The following LY86 variants were observed in gnomAD, a reference collection of about 807,000 sequenced individuals.
LY86 encodes the protein lymphocyte antigen 86, also known as MD-1, RP105-associated.
A neutral mutation model predicts 17.3 loss-of-function variants in LY86; 20 were observed. That is an observed-to-expected ratio of 1.15 (90% CI 0.81 to 1.68). LY86 has a LOEUF of 1.68. LY86 is among the 40% of genes most tolerant of loss of function. The pLI is 0.00. For synonymous variants in LY86, 74 were observed against 70.6 expected (o/e 1.05, Z -0.24); for missense variants, 200 against 191.9 (o/e 1.04, Z -0.25).
At chr6:6,646,719 C>T (rs566947324) in intron 3 of LY86, among the ~76,000 whole-genome samples, 3 of 152,218 alleles carry the variant, frequency 2.0e-5, no homozygotes, top group Admixed American at 1.3e-4. Context: ...CTTCCTTACT[C>T]GCCATAGATT....
intron 4 of LY86, among the ~76,000 whole-genome samples, chr6:6,652,549 C>A (rs1355652262): frequency 6.6e-6 from 1 of 152,172 alleles, no homozygotes; most frequent in Admixed American, 6.5e-5. Context: ...TCTATGCCTC[C>A]TGCTTTCTGA....
chr6:6,594,131 A>G (rs1760626173), intron 1 of LY86, among the ~76,000 whole-genome samples: 1 of 152,154 alleles, frequency 6.6e-6, no homozygotes, highest in East Asian at 1.9e-4. Flanking sequence ...GCAGAGGAGG[A>G]CCTGTGACAC....
intron 1 of LY86, among the ~76,000 whole-genome samples, chr6:6,610,548 G>C (rs945816871): frequency 6.6e-6 from 1 of 152,114 alleles, no homozygotes; most frequent in Non-Finnish European, 1.5e-5. Context: ...AGCTTAGGGG[G>C]GGGCAAGGTG....
In LY86 at chr6:6,601,278, G is replaced by C. The variant is rs77066797; in HGVS notation, c.136+12408G>C. 2.6e-4 allele frequency among the ~76,000 whole-genome samples: 40 copies of C among 152,242 alleles called. No individual in the cohort carries two copies. The East Asian group carries it at 7.1e-3, about 27-fold the overall frequency. On this transcript the variant is annotated intron_variant, in intron 1 of 4. Transcript: ENST00000230568. ...GGAGAACAGGCAACGGAGAGAGAAGGCCACAGTTCCCTTCCTACTAAACCA... is the reference window on the plus strand; with the variant it reads ...GGAGAACAGGCAACGGAGAGAGAAGCCCACAGTTCCCTTCCTACTAAACCA...
intron 1 of LY86, among the ~76,000 whole-genome samples, chr6:6,611,732 TTAAGAC>T (rs1172365482): frequency 6.6e-6 from 1 of 152,194 alleles, no homozygotes; most frequent in East Asian, 1.9e-4. Flanking sequence ...GGGGCTATGC[TTAAGAC>T]TAAATCACCT....
In LY86 at chr6:6,624,965, C is replaced by A. The variant is rs780971858; in HGVS notation, c.176C>A (p.Ser59Tyr). The change falls in exon 2 of 5, where the codon TCC becomes TAC. Residue 59 changes from serine (S) to tyrosine (Y), a missense_variant. By Grantham distance (144) the Ser-to-Tyr change is moderately radical. Coordinates refer to ENST00000230568, the MANE Select transcript of LY86 (RefSeq NM_004271.4). Reference sequence around the variant, plus strand: ...TTTGGCTTTTCTGTTGAAAAGTGTTCCAAGCAATTAAAATCAAATATCAAC... The same window carrying A: ...TTTGGCTTTTCTGTTGAAAAGTGTTACAAGCAATTAAAATCAAATATCAAC... ...QDFGFSVEKC[S>Y]KQLKSNINIR... 6.4e-7 allele frequency: 1 copy of A among 1,564,702 alleles called. No homozygotes were observed. Among genetic ancestry groups the A allele is most frequent in the South Asian group, 1.1e-5 (1 of 86,992 alleles).
intron 3 of LY86, among the ~76,000 whole-genome samples, chr6:6,627,022 C>G (rs569039648): frequency 6.6e-6 from 1 of 152,292 alleles, no homozygotes; most frequent in African/African-American, 2.4e-5. Context: ...CCCCACCTGT[C>G]CCCACCTCTC....
chr6:6,589,441 T>G (rs1191476044), intron 1 of LY86, among the ~76,000 whole-genome samples: 2 of 152,154 alleles, frequency 1.3e-5, no homozygotes, highest in African/African-American at 2.4e-5. Flanking sequence ...ATAATAAAAG[T>G]GCATATGCCA....
intron 1 of LY86, among the ~76,000 whole-genome samples, chr6:6,616,170 C>T (rs1447559655): frequency 6.6e-6 from 1 of 152,172 alleles, no homozygotes; most frequent in Non-Finnish European, 1.5e-5. Flanking sequence ...AAAAGCAGCA[C>T]CTTCGCAGAG....
intron 1 of LY86, among the ~76,000 whole-genome samples, chr6:6,615,531 G>A (rs1266731655): frequency 6.6e-6 from 1 of 152,080 alleles, no homozygotes; most frequent in Non-Finnish European, 1.5e-5. Flanking sequence ...AGACCAGCCT[G>A]GCCAACATGG....
chr6:6,641,714 C>G (rs1181795345), intron 3 of LY86, among the ~76,000 whole-genome samples: 1 of 151,906 alleles, frequency 6.6e-6, no homozygotes, highest in Non-Finnish European at 1.5e-5. Flanking sequence ...CTAGCTCATC[C>G]ATGGTCTTGG....
intron 1 of LY86, among the ~76,000 whole-genome samples, chr6:6,623,517 A>G (rs1268827822): frequency 1.3e-5 from 2 of 152,186 alleles, no homozygotes; most frequent in African/African-American, 4.8e-5. Context: ...CTTGACTGGC[A>G]GACAGTGAAG....
intron 2 of LY86, among the ~76,000 whole-genome samples, chr6:6,625,813 G>A (rs1238432413): frequency 6.6e-6 from 1 of 152,154 alleles, no homozygotes; most frequent in Non-Finnish European, 1.5e-5. Flanking sequence ...AACATAAAAG[G>A]GAGGAATGGA....
intron 3 of LY86, among the ~76,000 whole-genome samples, chr6:6,630,027 G>T (rs755958675): frequency 6.6e-6 from 1 of 152,186 alleles, no homozygotes; most frequent in South Asian, 2.1e-4. Flanking sequence ...GTGTGTAAGT[G>T]TATACACAAA....
intron 1 of LY86, among the ~76,000 whole-genome samples, chr6:6,613,552 GCCGATCCCA>G (rs1561784266): frequency 6.6e-6 from 1 of 152,120 alleles, no homozygotes; most frequent in African/African-American, 2.4e-5. Flanking sequence ...TGCGGGGCCC[GCCGATCCCA>G]CGCCCACCGG....
chr6:6,637,698 C>G (rs2113153141), intron 3 of LY86, among the ~76,000 whole-genome samples: 1 of 152,234 alleles, frequency 6.6e-6, no homozygotes, highest in South Asian at 2.1e-4. Context: ...AGTGTGTGAG[C>G]CCGGAGCCCC....
intron 3 of LY86, among the ~76,000 whole-genome samples, chr6:6,639,353 A>G (rs573959548): frequency 6.6e-6 from 1 of 152,000 alleles, no homozygotes; most frequent in South Asian, 2.1e-4. Context: ...GTCCCTTCTC[A>G]GGCTCATCAC....
chr6:6,654,398 A>G, intron 4 of LY86, 146 bp from the exon 5 acceptor site: 2 of 627,884 alleles, frequency 3.2e-6, no homozygotes, highest in Admixed American at 2.7e-5. Context: ...TCAGCTCCAC[A>G]GGGCAGGGGT....
intron 1 of LY86, among the ~76,000 whole-genome samples, chr6:6,598,718 C>T (rs901220084): frequency 1.3e-5 from 2 of 150,124 alleles, no homozygotes; most frequent in African/African-American, 4.9e-5. Context: ...GTATATTGAC[C>T]TGGCCTACAG....
Sources: allele counts gnomAD v4.1 joint callset (sites outside exome capture counted in the v4.1 genomes callset), GRCh38; gene constraint gnomAD v4.1.1; transcripts MANE v1.5; gene names NCBI Gene and HGNC (gene_info 2026-07-23, HGNC 2026-07-21).